LRRN4CL: variants seen among roughly 807,000 people sequenced by gnomAD.
LRRN4CL encodes the protein LRRN4 C-terminal-like protein.
For missense variants in LRRN4CL, 348 were observed against 336.4 expected (o/e 1.03, Z -0.27); for synonymous variants, 156 against 154.1 (o/e 1.01, Z -0.09).
chr11:62,687,302 CAAAAT>C lies in LRRN4CL; in HGVS notation c.*485_*489del, dbSNP rs1276337259. 2 of 154,548 alleles carry C rather than the reference CAAAAT, an allele frequency of 1.3e-5. No individual in the cohort carries two copies. The highest frequency in any genetic ancestry group is 2.9e-5 in the Non-Finnish European group (2 of 69,868). 9.6% of individuals were successfully genotyped at this position (154,548 alleles called of 1,614,324 possible). A position where few individuals can be genotyped will look rare whatever the true frequency, so the allele number is the denominator to read the frequency against. ...CAAAAAACAAAAAACCAAAACAAAA[CAAAAT>C]AAAAAACAAGGGCGTCTGGCTGTGT... On this transcript the variant is annotated 3_prime_UTR_variant, in exon 2 of 2. Transcript: ENST00000317449.
Position 62,688,076 on chromosome 11 carries a change from G to T in LRRN4CL, c.433C>A (p.Pro145Thr), listed in dbSNP as rs750155358. 29 of 1,612,726 alleles carry T rather than the reference G, an allele frequency of 1.8e-5. No homozygotes were observed. Among genetic ancestry groups the T allele is most frequent in the Non-Finnish European group, 2.5e-5 (29 of 1,179,876 alleles). ...ACGCAAACGACATAAATGCCCCCTG[G>T]CTTCAGCCCCTTCAGTTCGGCTCTG... The part of the protein sequence containing the change: ...VRRAELKGLK[P>T]GGIYVVCVVA... The change falls in exon 2 of 2, where the codon CCA (proline) becomes ACA (threonine). Residue 145 changes from proline (P) to threonine (T), a missense_variant. By Grantham distance (38) the Pro-to-Thr change is conservative. Coordinates refer to ENST00000317449, the MANE Select transcript of LRRN4CL (RefSeq NM_203422.4).
In LRRN4CL at chr11:62,686,805, G is replaced by A. The variant is rs1945201175; in HGVS notation, c.*987C>T. ...CCTGCCTCAGCCTCCGGAGTAGCTG[G>A]GACTACAGGTACCCACCACCATGCC... On this transcript the variant is annotated 3_prime_UTR_variant, in exon 2 of 2. Transcript: ENST00000317449. 1 of 152,274 alleles carries A rather than the reference G, an allele frequency of 6.6e-6. No homozygotes were observed. The highest frequency in any genetic ancestry group is 6.5e-5 in the Admixed American group (1 of 15,282). 9.4% of individuals were successfully genotyped at this position (152,274 alleles called of 1,614,324 possible).
Position 62,686,597 on chromosome 11 carries a change from T to A in LRRN4CL, c.*1195A>T, listed in dbSNP as rs1455137384. 1 of 151,100 alleles carries A rather than the reference T, an allele frequency of 6.6e-6. No individual in the cohort carries two copies. Among genetic ancestry groups the A allele is most frequent in the African/African-American group, 2.4e-5 (1 of 41,226 alleles). 9.4% of individuals were successfully genotyped at this position (151,100 alleles called of 1,614,324 possible). ...AGAGCCATTTTTAGGGTGCATGACATGGATCAACTAACTACAAGCAATGGG... is the reference window on the plus strand; with the variant it reads ...AGAGCCATTTTTAGGGTGCATGACAAGGATCAACTAACTACAAGCAATGGG... On this transcript the variant is annotated 3_prime_UTR_variant, in exon 2 of 2. Transcript: ENST00000317449.
rs544136182 is a variant in LRRN4CL, at chr11:62,688,214, G to T, written c.295C>A (p.Arg99Ser). ...GGGGCACACCAGTGGACCACTGCGC[G>T]GCCCTCTTCGGCCGCAATGCGCACT... is the stretch of plus-strand genomic sequence containing the variant. ...GEVRIAAEEG[R>S]AVVHWCAPFS... Residue 99 changes from arginine to serine, a missense_variant, in exon 2 of 2, where the codon CGC becomes AGC. Transcript: ENST00000317449. 3 of 1,611,688 alleles carry T rather than the reference G, an allele frequency of 1.9e-6. No homozygotes were observed. The highest frequency in any genetic ancestry group is 2.7e-5 in the African/African-American group (2 of 74,922).
At chr11:62,688,605 G>A (rs1240176353) in intron 1 of LRRN4CL, 92 bp from the exon 2 acceptor site, 14 of 981,410 alleles carry the variant, frequency 1.4e-5, no homozygotes, top group Non-Finnish European at 1.9e-5. Flanking sequence ...ACAGGAAAAT[G>A]CAACTGGGGA....
In LRRN4CL at chr11:62,688,371, G is replaced by A. The variant is rs1236842490; in HGVS notation, c.138C>T (p.Val46=). Residue 46 remains valine (V), a synonymous_variant, in exon 2 of 2, where the codon GTC becomes GTT. Transcript: ENST00000317449. Reference sequence around the variant, plus strand: ...GTCGGCAGTGGTCGTAGTCGCAGGGGACAGCCGGCAAAGGCGGCCACGCCG... The same window carrying A: ...GTCGGCAGTGGTCGTAGTCGCAGGGAACAGCCGGCAAAGGCGGCCACGCCG... ...TETAWPPLPA[V]PCDYDHCRHL... 3 of 1,606,846 alleles carry A rather than the reference G, an allele frequency of 1.9e-6. No individual in the cohort carries two copies. The highest frequency in any genetic ancestry group is 2.5e-6 in the Non-Finnish European group (3 of 1,179,998).
intron 1 of LRRN4CL, among the ~76,000 whole-genome samples, chr11:62,688,970 A>T (rs1314516436): frequency 1.3e-5 from 2 of 152,230 alleles, no homozygotes; most frequent in Non-Finnish European, 2.9e-5. Context: ...TGAGGCCAGG[A>T]TTCCAAACCA....
chr11:62,689,171 CAA>C (rs1945243440), intron 1 of LRRN4CL, among the ~76,000 whole-genome samples: 1 of 152,180 alleles, frequency 6.6e-6, no homozygotes. Context: ...GCCTGGGTGA[CAA>C]GAGTGAGACC....
At position 62,687,912 on chromosome 11, in the gene LRRN4CL, G is replaced by C. The variant is rs745939453; in HGVS notation, c.597C>G (p.Ala199=). 2 of 1,509,940 alleles carry C rather than the reference G, an allele frequency of 1.3e-6. No individual in the cohort carries two copies. The highest frequency in any genetic ancestry group is 1.8e-6 in the Non-Finnish European group (2 of 1,131,570). 93.5% of individuals were successfully genotyped at this position (1,509,940 alleles called of 1,614,324 possible). ...GGGCCAGGGCCGTGCCCACCCCGAC[G>C]GCCGCGTGGACCAGAGTGCGGGGGT... ...PPNPRTLVHA[A]VGVGTALALL... Residue 199 remains alanine (A), a synonymous_variant, in exon 2 of 2, where the codon GCC becomes GCG. Transcript: ENST00000317449.
At position 62,687,967 on chromosome 11, in the gene LRRN4CL, C is replaced by T. The variant is rs775106800; in HGVS notation, c.542G>A (p.Gly181Glu). The T allele has an allele frequency of 6.2e-7, 1 of 1,600,938 alleles. No homozygotes were observed. Among genetic ancestry groups the T allele is most frequent in the East Asian group, 2.2e-5 (1 of 44,664 alleles). ...CGGCACCGCAAGGCGGCTGCAAGGC[C>T]CGAAGGCAGGGATGTCGGCCCCCTC... ...GLEGADIPAF[G>E]PCSRLAVPPN... Residue 181 changes from glycine to glutamate, a missense_variant, in exon 2 of 2, where the codon GGG becomes GAG. Gly to Glu is a moderately conservative substitution (Grantham distance 98). Transcript: ENST00000317449.
chr11:62,688,418 C>G lies in LRRN4CL; in HGVS notation c.91G>C (p.Glu31Gln). ...QPLAPQDFEE[E>Q]EADETETAWP... Reference sequence around the variant, plus strand: ...GCCGTCTCAGTCTCATCTGCCTCCTCTTCTTCAAAGTCTTGAGGGGCCAAG... The same window carrying G: ...GCCGTCTCAGTCTCATCTGCCTCCTGTTCTTCAAAGTCTTGAGGGGCCAAG... Residue 31 changes from glutamate (E) to glutamine (Q), a missense_variant, in exon 2 of 2, where the codon GAG becomes CAG. Transcript: ENST00000317449. 6.2e-7 allele frequency: 1 copy of G among 1,601,530 alleles called. No homozygotes were observed. Among genetic ancestry groups the G allele is most frequent in the Non-Finnish European group, 8.5e-7 (1 of 1,179,964 alleles).
At chr11:62,688,966 C>T (rs562783647) in intron 1 of LRRN4CL, among the ~76,000 whole-genome samples, 1 of 152,246 alleles carries the variant, frequency 6.6e-6, no homozygotes, top group East Asian at 1.9e-4. Flanking sequence ...TGCTTGAGGC[C>T]AGGATTCCAA....
chr11:62,689,170 A>G (rs557116186), intron 1 of LRRN4CL, among the ~76,000 whole-genome samples: 4 of 152,334 alleles, frequency 2.6e-5, no homozygotes, highest in East Asian at 1.9e-4. Context: ...AGCCTGGGTG[A>G]CAAGAGTGAG....
intron 1 of LRRN4CL, 146 bp from the exon 2 acceptor site, chr11:62,688,659 G>T (rs1016974722): frequency 4.5e-6 from 3 of 662,454 alleles, no homozygotes; most frequent in Non-Finnish European, 7.6e-6. Flanking sequence ...ACACTCATTT[G>T]TCAACCAACT....
At chr11:62,688,897 C>T (rs953281131) in intron 1 of LRRN4CL, among the ~76,000 whole-genome samples, 2 of 152,100 alleles carry the variant, frequency 1.3e-5, no homozygotes, top group Non-Finnish European at 2.9e-5. Flanking sequence ...GTAACAAAGC[C>T]GGGCCCCTAG....
In LRRN4CL at chr11:62,687,945, C is replaced by A; in HGVS notation, c.564G>T (p.Val188=). 1 of 1,572,340 alleles carries A rather than the reference C, an allele frequency of 6.4e-7. No individual in the cohort carries two copies. The highest frequency in any genetic ancestry group is 1.3e-5 in the African/African-American group (1 of 74,168). ...GGACCAGAGTGCGGGGGTTGGGCGG[C>A]ACCGCAAGGCGGCTGCAAGGCCCGA... ...PAFGPCSRLA[V]PPNPRTLVHA... is the part of the protein sequence containing the mutation. Residue 188 remains valine (V), a synonymous_variant, in exon 2 of 2, where the codon GTG becomes GTT. Coordinates refer to ENST00000317449, the MANE Select transcript of LRRN4CL (RefSeq NM_203422.4).
intron 1 of LRRN4CL, among the ~76,000 whole-genome samples, chr11:62,688,988 C>T (rs1945239621): frequency 6.6e-6 from 1 of 151,970 alleles, no homozygotes; most frequent in African/African-American, 2.4e-5. Flanking sequence ...CCAGCTGGGG[C>T]AACACAGAGA....
Position 62,688,218 on chromosome 11 carries a change from CTCT to C in LRRN4CL, c.288_290del (p.Glu97del), listed in dbSNP as rs1323224974. On this transcript the variant is annotated inframe_deletion, in exon 2 of 2. Coordinates refer to ENST00000317449, the MANE Select transcript of LRRN4CL (RefSeq NM_203422.4). ...CACACCAGTGGACCACTGCGCGGCC[CTCT>C]TCGGCCGCAATGCGCACTTCTCCCA... The C allele has an allele frequency of 6.2e-7, 1 of 1,611,830 alleles. No individual in the cohort carries two copies. The highest frequency in any genetic ancestry group is 8.5e-7 in the Non-Finnish European group (1 of 1,179,578).
Position 62,689,512 on chromosome 11 carries a change from G to C in LRRN4CL, c.-91C>G, listed in dbSNP as rs1945249229. ...AGGGATCCCCAAGATCTCAGGCTGT[G>C]CTGTCAGGTTGTATCTTCAACTTCA... On this transcript the variant is annotated 5_prime_UTR_variant, in exon 1 of 2. Transcript: ENST00000317449. 1 of 152,504 alleles carries C rather than the reference G, an allele frequency of 6.6e-6. No individual in the cohort carries two copies. The highest frequency in any genetic ancestry group is 2.4e-5 in the African/African-American group (1 of 41,442). The allele number at this position is 152,504 out of a possible 1,614,324, so 9.4% of individuals were successfully genotyped here. A position where few individuals can be genotyped will look rare whatever the true frequency, so the allele number is the denominator to read the frequency against.
Sources: allele counts gnomAD v4.1 joint callset (sites outside exome capture counted in the v4.1 genomes callset), GRCh38; gene constraint gnomAD v4.1.1; transcripts MANE v1.5; gene names NCBI Gene and HGNC (gene_info 2026-07-23, HGNC 2026-07-21).